Variants in TLR5 observed in about 807,000 individuals in gnomAD.
TLR5 encodes toll-like receptor 5.
For synonymous variants in TLR5, 373 were observed against 384.4 expected, an observed-to-expected ratio of 0.97 and a Z score of 0.35; for missense variants, 944 against 999.8, an observed-to-expected ratio of 0.94 and a Z score of 0.75.
rs749377065 is a variant in TLR5 at position 223,117,148 on chromosome 1, C to G, written c.-4-4113G>C. On this transcript the variant is annotated intron_variant, in intron 5 of 5. Transcript: ENST00000642603. ...GTCGAGAATTCGAGTGTGGCGCCGG[C>G]GGGGCCGGCAGTGCTGGGGGACCCG... Among the ~76,000 whole-genome samples the G allele has an allele frequency of 2.8e-4, 42 of 152,114 alleles. No homozygotes were observed. In the South Asian group the frequency reaches 8.5e-3, roughly 31 times the overall value.
chr1:223,112,726 C>G lies in TLR5; in HGVS notation c.306G>C (p.Leu102=), dbSNP rs778716001. 8 of 1,614,200 alleles carry G rather than the reference C, an allele frequency of 5.0e-6. No homozygotes were observed. The South Asian group carries it at 8.8e-5, about 18-fold the overall frequency. Residue 102 remains leucine, a synonymous_variant, in exon 6 of 6, where the codon CTG becomes CTC. Transcript: ENST00000642603. The part of the protein sequence containing the change: ...RNLPNLRILD[L]GSSKIYFLHP... The stretch of plus-strand genomic sequence containing the variant: ...GCAAGAAGTATATCTTACTACTTCC[C>G]AGGTCCAAGATTCTAAGGTTGGGCA...
chr1:223,112,721 C>T lies in TLR5; in HGVS notation c.311G>A (p.Ser104Asn). 1 of 1,614,240 alleles carries T rather than the reference C, an allele frequency of 6.2e-7. No homozygotes were observed. The highest frequency in any genetic ancestry group is 8.5e-7 in the Non-Finnish European group (1 of 1,180,042). ...TGGATGCAAGAAGTATATCTTACTACTTCCCAGGTCCAAGATTCTAAGGTT... is the reference window on the plus strand; with the variant it reads ...TGGATGCAAGAAGTATATCTTACTATTTCCCAGGTCCAAGATTCTAAGGTT... ...LPNLRILDLGSSKIYFLHPDA... is the reference protein window; with the variant it reads ...LPNLRILDLGNSKIYFLHPDA... The change falls in exon 6 of 6, where the codon AGT becomes AAT. Residue 104 changes from serine (S) to asparagine (N), a missense_variant. Transcript: ENST00000642603.
At chr1:223,141,457 G>C (rs1211598886) in intron 2 of TLR5, 191 bp downstream of exon 2, 1 of 152,108 alleles carries the variant, frequency 6.6e-6, no homozygotes, top group Non-Finnish European at 1.5e-5. Context: ...GCACAGGCAT[G>C]GTCATGCTGA....
chr1:223,113,698 G>A (rs1231277519), intron 5 of TLR5, among the ~76,000 whole-genome samples: 1 of 152,134 alleles, frequency 6.6e-6, no homozygotes, highest in Non-Finnish European at 1.5e-5. Context: ...GAGCTCAAGC[G>A]ATCCTCCTAC....
intron 1 of TLR5, among the ~76,000 whole-genome samples, chr1:223,142,525 A>T (rs949645036): frequency 1.3e-5 from 2 of 152,182 alleles, no homozygotes; most frequent in African/African-American, 4.8e-5. Flanking sequence ...AAGCCACAGC[A>T]TGGTCCCAGA....
chr1:223,134,615 G>C (rs1490049707), intron 4 of TLR5, 67 bp downstream of exon 4: 2 of 152,288 alleles, frequency 1.3e-5, no homozygotes, highest in African/African-American at 4.8e-5. Context: ...TATTAAAAAC[G>C]AACAACTAGC....
chr1:223,141,422 G>A (rs1455955808), intron 2 of TLR5: 1 of 152,134 alleles, frequency 6.6e-6, no homozygotes. Flanking sequence ...GGAAGAATCA[G>A]TCAGACTGAT....
chr1:223,112,263 A>G lies in TLR5; in HGVS notation c.769T>C (p.Ser257Pro), dbSNP rs1207240341. The G allele has an allele frequency of 1.3e-5, 21 of 1,614,112 alleles. No individual in the cohort carries two copies. The Admixed American group carries it at 3.5e-4, about 27-fold the overall frequency. ...ATGATGTGGTGGGCAAGAATCAAAG[A>G]GAAGGCCTGGCTTTTGCTGATGGCA... is the stretch of plus-strand genomic sequence containing the variant. The part of the protein sequence containing the change: ...SNAISKSQAF[S>P]LILAHHIMGA... The change falls in exon 6 of 6, where the codon TCT (serine) becomes CCT (proline). Residue 257 changes from serine (S) to proline (P), a missense_variant. Coordinates refer to ENST00000642603, the MANE Select transcript of TLR5 (RefSeq NM_003268.6).
At chr1:223,121,496 T>C (rs1207879577) in intron 5 of TLR5, among the ~76,000 whole-genome samples, 1 of 152,200 alleles carries the variant, frequency 6.6e-6, no homozygotes, top group African/African-American at 2.4e-5. Context: ...GCGAATCCTA[T>C]GTATTCTTTC....
chr1:223,114,127 G>A (rs1430950305), intron 5 of TLR5, among the ~76,000 whole-genome samples: 1 of 152,206 alleles, frequency 6.6e-6, no homozygotes, highest in Admixed American at 6.5e-5. Flanking sequence ...GTGATTGTGT[G>A]AGTGTACGAC....
intron 5 of TLR5, among the ~76,000 whole-genome samples, chr1:223,117,786 T>C (rs1449238176): frequency 1.3e-5 from 2 of 152,180 alleles, no homozygotes; most frequent in African/African-American, 2.4e-5. Flanking sequence ...GTCACAGTGA[T>C]AGGGGTGGGT....
At chr1:223,123,272 G>T (rs1418103694) in intron 5 of TLR5, among the ~76,000 whole-genome samples, 1 of 152,114 alleles carries the variant, frequency 6.6e-6, no homozygotes, top group Non-Finnish European at 1.5e-5. Flanking sequence ...TAAATTCTTT[G>T]TTTTTATGGA....
intron 5 of TLR5, among the ~76,000 whole-genome samples, chr1:223,118,789 G>C (rs1656799669): frequency 6.6e-6 from 1 of 151,956 alleles, no homozygotes; most frequent in Non-Finnish European, 1.5e-5. Flanking sequence ...AAATTTTAGA[G>C]TGCCCTGACC....
intron 5 of TLR5, among the ~76,000 whole-genome samples, chr1:223,122,866 T>C (rs966930205): frequency 1.3e-5 from 2 of 152,192 alleles, no homozygotes; most frequent in Non-Finnish European, 2.9e-5. Context: ...CCATGTCACA[T>C]TGAGGACCCT....
In TLR5 at chr1:223,112,849, G is replaced by A. The variant is rs5744165; in HGVS notation, c.183C>T (p.Val61=). Residue 61 remains valine (V), a synonymous_variant, in exon 6 of 6, where the codon GTC becomes GTT. Coordinates refer to ENST00000642603, the MANE Select transcript of TLR5 (RefSeq NM_003268.6). Reference sequence around the variant, plus strand: ...CCAGAAAGGGGAAGGATGAAGCAGTGACTGTCCTGATATAGTTGAAGCTCA... The same window carrying A: ...CCAGAAAGGGGAAGGATGAAGCAGTAACTGTCCTGATATAGTTGAAGCTCA... ...LLLSFNYIRT[V]TASSFPFLEQ... 0.027 allele frequency: 42,969 copies of A among 1,613,730 alleles called. 646 individuals are homozygous for A. The highest frequency in any genetic ancestry group is 0.036 in the Middle Eastern group (218 of 6,056).
In TLR5 at chr1:223,131,423, G is replaced by A. The variant is rs1657390144; in HGVS notation, c.-5+1052C>T. 6.6e-6 allele frequency among the ~76,000 whole-genome samples: 1 copy of A among 152,154 alleles called. No homozygotes were observed. Among genetic ancestry groups the A allele is most frequent in the African/African-American group, 2.4e-5 (1 of 41,442 alleles). On this transcript the variant is annotated intron_variant, in intron 5 of 5. Transcript: ENST00000642603. This position sits in a 1 kb window ranked among gnomAD's most constrained non-coding sequence, Gnocchi z 4.2. ...CCTCATCCCCATTCTCTCAGCTTAG[G>A]CTGGTCCTGGGGCTTGGAATGCTCG...
chr1:223,136,074 T>C (rs931588198), intron 3 of TLR5, among the ~76,000 whole-genome samples: 1 of 152,064 alleles, frequency 6.6e-6, no homozygotes, highest in Non-Finnish European at 1.5e-5. Flanking sequence ...GGGCCTTAGG[T>C]TGGGGACACA....
intron 5 of TLR5, among the ~76,000 whole-genome samples, chr1:223,123,043 A>G (rs1401524307): frequency 6.6e-6 from 1 of 152,206 alleles, no homozygotes; most frequent in Non-Finnish European, 1.5e-5. Context: ...GATTTCAGAA[A>G]TGAGGATTTT....
At chr1:223,119,627 CT>C (rs1656839269) in intron 5 of TLR5, among the ~76,000 whole-genome samples, 1 of 151,992 alleles carries the variant, frequency 6.6e-6, no homozygotes, top group African/African-American at 2.4e-5. Context: ...AAACAGAGAT[CT>C]TCAGACTGAT....
Sources: gnomAD v4.1 joint callset for allele counts (sites outside exome capture counted in the v4.1 genomes callset) on GRCh38, gnomAD v4.1.1 for gene constraint, Gnocchi (gnomAD v3.1) non-coding constraint, MANE v1.5 for transcripts, NCBI Gene and HGNC (gene_info 2026-07-23, HGNC 2026-07-21) for gene names.